Variants in PRND observed in about 807,000 individuals in gnomAD.
PRND encodes prion-like protein doppel.
For synonymous variants in PRND, 94 were observed against 93.2 expected, an observed-to-expected ratio of 1.01 and a Z score of -0.05; for missense variants, 227 against 223.3, an observed-to-expected ratio of 1.02 and a Z score of -0.11.
chr20:4,724,913 A>G lies in PRND; in HGVS notation c.362A>G (p.Gln121Arg), dbSNP rs1923217061. 1 of 1,614,098 alleles carries G rather than the reference A, an allele frequency of 6.2e-7. No individual in the cohort carries two copies. The highest frequency in any genetic ancestry group is 1.3e-5 in the African/African-American group (1 of 74,944). ...CAGGCGGCGAACCAGGGGGAGTTCCAGAAGCCAGACAACAAGCTCCACCAG... is the reference window on the plus strand; with the variant it reads ...CAGGCGGCGAACCAGGGGGAGTTCCGGAAGCCAGACAACAAGCTCCACCAG... ...ATQAANQGEF[Q>R]KPDNKLHQQV... The change falls in exon 2 of 2, where the codon CAG becomes CGG. Residue 121 changes from glutamine to arginine, a missense_variant. By Grantham distance (43) the Gln-to-Arg change is conservative. Transcript: ENST00000305817. The surrounding 1 kb of genome is among the most constrained non-coding windows in gnomAD (Gnocchi z 4.8).
At chr20:4,723,454 G>T (rs1923161156) in intron 1 of PRND, among the ~76,000 whole-genome samples, 1 of 152,168 alleles carries the variant, frequency 6.6e-6, no homozygotes, top group South Asian at 2.1e-4. Context: ...AGGATGCCTG[G>T]AGCACACTTG....
rs139058184 is a variant in PRND, at chr20:4,726,068, C to G, written c.*986C>G. 0.019 allele frequency: 2,855 copies of G among 152,732 alleles called. 35 individuals are homozygous for G. Among genetic ancestry groups the G allele is most frequent in the Middle Eastern group, 0.052 (15 of 290 alleles). 9.5% of individuals were successfully genotyped at this position (152,732 alleles called of 1,614,324 possible). On this transcript the variant is annotated 3_prime_UTR_variant, in exon 2 of 2. Transcript: ENST00000305817. ...AGAGACAGGGTTTCACCATGTTGGCCAGGCTGGTCTTGAACTCCTGACCTC... is the reference window on the plus strand; with the variant it reads ...AGAGACAGGGTTTCACCATGTTGGCGAGGCTGGTCTTGAACTCCTGACCTC...
rs1923259345 is a variant in PRND, at chr20:4,726,118, C to A, written c.*1036C>A. The A allele has an allele frequency of 6.8e-6, 1 of 147,278 alleles. No individual in the cohort carries two copies. The highest frequency in any genetic ancestry group is 7.0e-5 in the Admixed American group (1 of 14,234). The allele number at this position is 147,278 out of a possible 1,614,324, so 9.1% of individuals were successfully genotyped here. A position where few individuals can be genotyped will look rare whatever the true frequency, so the allele number is the denominator to read the frequency against. ...CAGGTGATCCACCCACCTGGGCCTC[C>A]CATAGTGCTGGGATTCAATTTTTTT... is the stretch of plus-strand genomic sequence containing the variant. On this transcript the variant is annotated 3_prime_UTR_variant, in exon 2 of 2. Coordinates refer to ENST00000305817, the MANE Select transcript of PRND (RefSeq NM_012409.4).
At position 4,728,404 on chromosome 20, in the gene PRND, T is replaced by C. The variant is rs1923348306; in HGVS notation, c.*3322T>C. 6.0e-6 allele frequency: 1 copy of C among 167,124 alleles called. No homozygotes were observed. The highest frequency in any genetic ancestry group is 1.5e-5 in the Non-Finnish European group (1 of 68,132). 10.4% of individuals were successfully genotyped at this position (167,124 alleles called of 1,614,324 possible). ...TGAATCATTGCCTTGTTGATGGGCC[T>C]TCAGATTATTTCCAGTTTTTTGCCA... On this transcript the variant is annotated 3_prime_UTR_variant, in exon 2 of 2. Coordinates refer to ENST00000305817, the MANE Select transcript of PRND (RefSeq NM_012409.4).
rs865928422 is a variant in PRND at position 4,727,431 on chromosome 20, G to A, written c.*2349G>A. The stretch of plus-strand genomic sequence containing the variant: ...AGTTTAGTTTTTCACTTTAGCAAAG[G>A]GGCAATGGGGTGCCTACTATGTGCG... On this transcript the variant is annotated 3_prime_UTR_variant, in exon 2 of 2. Transcript: ENST00000305817. 6.0e-6 allele frequency: 1 copy of A among 167,062 alleles called. No individual in the cohort carries two copies. The highest frequency in any genetic ancestry group is 1.5e-5 in the Non-Finnish European group (1 of 68,114). 10.3% of individuals were successfully genotyped at this position (167,062 alleles called of 1,614,324 possible). A position where few individuals can be genotyped will look rare whatever the true frequency, so the allele number is the denominator to read the frequency against.
Position 4,727,256 on chromosome 20 carries a change from A to G in PRND, c.*2174A>G, listed in dbSNP as rs900105093. On this transcript the variant is annotated 3_prime_UTR_variant, in exon 2 of 2. Transcript: ENST00000305817. ...TGCTGCCTTTTCTCATTCTGTTAAT[A>G]GTCCCGGCAACCAGATTTCAGTGGG... The G allele has an allele frequency of 6.0e-6, 1 of 167,090 alleles. No individual in the cohort carries two copies. Among genetic ancestry groups the G allele is most frequent in the African/African-American group, 2.4e-5 (1 of 41,448 alleles). The allele number at this position is 167,090 out of a possible 1,614,324, so 10.4% of individuals were successfully genotyped here. A position where few individuals can be genotyped will look rare whatever the true frequency, so the allele number is the denominator to read the frequency against.
At chr20:4,723,646 G>A (rs551363676) in intron 1 of PRND, among the ~76,000 whole-genome samples, 1 of 152,310 alleles carries the variant, frequency 6.6e-6, no homozygotes, top group East Asian at 1.9e-4. Context: ...AACAAAGAGG[G>A]GAGATTGAAA....
rs1049495815 is a variant in PRND at position 4,726,368 on chromosome 20, A to G, written c.*1286A>G. On this transcript the variant is annotated 3_prime_UTR_variant, in exon 2 of 2. Coordinates refer to ENST00000305817, the MANE Select transcript of PRND (RefSeq NM_012409.4). ...CTTTCAAGACAGCCTAATGAAGGCC[A>G]TCATCTCTGTAAACCACTTGTCACT... 1 of 166,980 alleles carries G rather than the reference A, an allele frequency of 6.0e-6. No homozygotes were observed. The highest frequency in any genetic ancestry group is 1.5e-5 in the Non-Finnish European group (1 of 68,106). 10.3% of individuals were successfully genotyped at this position (166,980 alleles called of 1,614,324 possible).
intron 1 of PRND, among the ~76,000 whole-genome samples, chr20:4,722,507 C>G (rs762222963): frequency 2.0e-5 from 3 of 151,592 alleles, no homozygotes; most frequent in African/African-American, 4.8e-5. Context: ...AAGGAAAGGT[C>G]AGTGAGGCCT....
chr20:4,722,655 G>A (rs1480656507), intron 1 of PRND, among the ~76,000 whole-genome samples: 1 of 152,086 alleles, frequency 6.6e-6, no homozygotes, highest in African/African-American at 2.4e-5. Context: ...CACTTTTAGG[G>A]AAGCTGCAGC....
At position 4,725,253 on chromosome 20, in the gene PRND, A is replaced by C; in HGVS notation, c.*171A>C. 1 of 791,174 alleles carries C rather than the reference A, an allele frequency of 1.3e-6. No homozygotes were observed. The highest frequency in any genetic ancestry group is 2.0e-6 in the Non-Finnish European group (1 of 492,600). The allele number at this position is 791,174 out of a possible 1,614,324, so 49.0% of individuals were successfully genotyped here. ...CGCCCTGGTATGTGCCTGCGTTCTG[A>C]TAGATGGGGGACTGTGGCTTCTCCG... On this transcript the variant is annotated 3_prime_UTR_variant, in exon 2 of 2. Coordinates refer to ENST00000305817, the MANE Select transcript of PRND (RefSeq NM_012409.4).
rs183144366 is a variant in PRND at position 4,724,229 on chromosome 20, A to G, written c.-11-312A>G. Among the ~76,000 whole-genome samples the G allele has an allele frequency of 6.6e-6, 1 of 152,132 alleles. No individual in the cohort carries two copies. Among genetic ancestry groups the G allele is most frequent in the East Asian group, 1.9e-4 (1 of 5,170 alleles). On this transcript the variant is annotated intron_variant, in intron 1 of 1. Transcript: ENST00000305817. This position sits in a 1 kb window ranked among gnomAD's most constrained non-coding sequence, Gnocchi z 4.8. Reference sequence around the variant, plus strand: ...GACTTGGGAGTATCAAAGAAAACCTACATGTATTAAGTCACCACTCCTTTA... The same window carrying G: ...GACTTGGGAGTATCAAAGAAAACCTGCATGTATTAAGTCACCACTCCTTTA...
At chr20:4,723,040 G>A (rs182142917) in intron 1 of PRND, among the ~76,000 whole-genome samples, 15 of 152,142 alleles carry the variant, frequency 9.9e-5, no homozygotes, top group East Asian at 1.9e-4. Flanking sequence ...CTTTCATCTC[G>A]TTTTCTCCGA....
At position 4,724,558 on chromosome 20, in the gene PRND, A is replaced by G; in HGVS notation, c.7A>G (p.Lys3Glu). The G allele has an allele frequency of 3.1e-6, 5 of 1,613,962 alleles. No individual in the cohort carries two copies. The highest frequency in any genetic ancestry group is 1.3e-5 in the African/African-American group (1 of 75,060). ...TCTGGCAGGTTCTGACGCGATGAGG[A>G]AGCACCTGAGCTGGTGGTGGCTGGC... MRKHLSWWWLATV... is the reference protein window; with the variant it reads MREHLSWWWLATV... The change falls in exon 2 of 2, where the codon AAG (lysine) becomes GAG (glutamate). Residue 3 changes from lysine (K) to glutamate (E), a missense_variant. Coordinates refer to ENST00000305817, the MANE Select transcript of PRND (RefSeq NM_012409.4). The surrounding 1 kb of genome is among the most constrained non-coding windows in gnomAD (Gnocchi z 4.8).
At position 4,728,334 on chromosome 20, in the gene PRND, G is replaced by A. The variant is rs1183168595; in HGVS notation, c.*3252G>A. 3.6e-5 allele frequency: 6 copies of A among 167,016 alleles called. No homozygotes were observed. Among genetic ancestry groups the A allele is most frequent in the Admixed American group, 1.3e-4 (2 of 15,286 alleles). The allele number at this position is 167,016 out of a possible 1,614,324, so 10.3% of individuals were successfully genotyped here. On this transcript the variant is annotated 3_prime_UTR_variant, in exon 2 of 2. Coordinates refer to ENST00000305817, the MANE Select transcript of PRND (RefSeq NM_012409.4). ...ATCTAGATAGCTGACTCATTCTTTTGGATTGCTACGTAATCTCACTTAATA... is the reference window on the plus strand; with the variant it reads ...ATCTAGATAGCTGACTCATTCTTTTAGATTGCTACGTAATCTCACTTAATA...
rs1923191353 is a variant in PRND at position 4,724,163 on chromosome 20, C to A, written c.-11-378C>A. 6.6e-6 allele frequency among the ~76,000 whole-genome samples: 1 copy of A among 152,054 alleles called. No homozygotes were observed. The highest frequency in any genetic ancestry group is 1.9e-4 in the East Asian group (1 of 5,192). Reference sequence around the variant, plus strand: ...TGCCCACCAGCATTTGATTCCAACTCTTCTATTGTATTTTCCTCCCAGGGA... The same window carrying A: ...TGCCCACCAGCATTTGATTCCAACTATTCTATTGTATTTTCCTCCCAGGGA... On this transcript the variant is annotated intron_variant, in intron 1 of 1. Coordinates refer to ENST00000305817, the MANE Select transcript of PRND (RefSeq NM_012409.4). The surrounding 1 kb of genome is among the most constrained non-coding windows in gnomAD (Gnocchi z 4.8).
Position 4,727,484 on chromosome 20 carries a change from T to C in PRND, c.*2402T>C, listed in dbSNP as rs1054600. The stretch of plus-strand genomic sequence containing the variant: ...ACATTGGGAGGGGCTTCTGAATTAT[T>C]CTGGATATCGTCATTTTGCAGTGTG... On this transcript the variant is annotated 3_prime_UTR_variant, in exon 2 of 2. Transcript: ENST00000305817. The C allele has an allele frequency of 0.7, 117,309 of 166,990 alleles. 42,909 individuals carry two copies. The highest frequency in any genetic ancestry group is 0.88 in the Middle Eastern group (260 of 296). 10.3% of individuals were successfully genotyped at this position (166,990 alleles called of 1,614,324 possible). A position where few individuals can be genotyped will look rare whatever the true frequency, so the allele number is the denominator to read the frequency against.
At chr20:4,723,360 G>A (rs147584868) in intron 1 of PRND, among the ~76,000 whole-genome samples, 169 of 152,336 alleles carry the variant, frequency 1.1e-3, no homozygotes, top group Admixed American at 4.2e-3. Context: ...AGCTTAACAC[G>A]GTGGCAGGCA....
intron 1 of PRND, among the ~76,000 whole-genome samples, chr20:4,723,420 T>C (rs546178998): frequency 4.8e-4 from 73 of 152,316 alleles, no homozygotes; most frequent in African/African-American, 1.6e-3. Context: ...ATGGTCACAC[T>C]GTCCCCCAGG....
Sources: allele counts gnomAD v4.1 joint callset (sites outside exome capture counted in the v4.1 genomes callset), GRCh38; gene constraint gnomAD v4.1.1; non-coding constraint Gnocchi (gnomAD v3.1); transcripts MANE v1.5; gene names NCBI Gene and HGNC (gene_info 2026-07-23, HGNC 2026-07-21).